Variants in ASL observed in about 807,000 individuals in gnomAD.
ASL encodes the protein argininosuccinate lyase.
In ASL, 51 loss-of-function variants were observed where a neutral mutation model predicts 69.1. The ratio of observed to expected loss-of-function variants is 0.74; its 90% CI spans 0.59 to 0.93. The LOEUF is 0.93. Ranked by LOEUF, ASL falls within the 40% of genes least tolerant of loss-of-function variation. The probability of loss-of-function intolerance (pLI) is 0.00; values close to 1 mark genes in which losing one functional copy is unlikely to be tolerated. For missense variants in ASL, 540 were observed against 623.9 expected, an observed-to-expected ratio of 0.87 and a Z score of 1.43; for synonymous variants, 241 against 247.6, an observed-to-expected ratio of 0.97 and a Z score of 0.25.
In ASL at chr7:66,079,153, G is replaced by A. The variant is rs1207521641; in HGVS notation, c.13-2650G>A. Reference sequence around the variant, plus strand: ...AGGATGGTCTCCATCTCCTGACCTCGTGATCTGCCCACCTCAGCCTCCCAA... The same window carrying A: ...AGGATGGTCTCCATCTCCTGACCTCATGATCTGCCCACCTCAGCCTCCCAA... On this transcript the variant is annotated intron_variant, in intron 2 of 16. Transcript: ENST00000304874. Among the ~76,000 whole-genome samples the A allele has an allele frequency of 3.9e-5, 6 of 152,108 alleles. No individual in the cohort carries two copies. The East Asian group carries it at 7.7e-4, about 20-fold the overall frequency.
At chr7:66,092,118 G>C (rs1242122725) in intron 15 of ASL, 32 bp downstream of exon 15, 1 of 1,604,516 alleles carries the variant, frequency 6.2e-7, no homozygotes, top group Non-Finnish European at 8.5e-7. Flanking sequence ...GGAGGGTGAG[G>C]AGATGGGGTG....
Position 66,092,881 on chromosome 7 carries a change from T to G in ASL, c.1364T>G (p.Val455Gly), listed in dbSNP as rs1584037172. 1 of 1,611,096 alleles carries G rather than the reference T, an allele frequency of 6.2e-7. No homozygotes were observed. Among genetic ancestry groups the G allele is most frequent in the African/African-American group, 1.3e-5 (1 of 75,052 alleles). ...RSSVDWQIRQVRALLQAQQA is the reference protein window; with the variant it reads ...RSSVDWQIRQGRALLQAQQA Reference sequence around the variant, plus strand: ...AGCGTCGACTGGCAGATCCGCCAGGTGCGGGCGCTACTGCAGGCACAGCAG... The same window carrying G: ...AGCGTCGACTGGCAGATCCGCCAGGGGCGGGCGCTACTGCAGGCACAGCAG... Residue 455 changes from valine (V) to glycine (G), a missense_variant, in exon 17 of 17, where the codon GTG becomes GGG. Val to Gly is a moderately radical substitution (Grantham distance 109, BLOSUM62 -3). Transcript: ENST00000304874.
chr7:66,087,328 C>A lies in ASL; in HGVS notation c.603-6C>A, dbSNP rs747521107. The A allele has an allele frequency of 6.2e-7, 1 of 1,603,736 alleles. No homozygotes were observed. The highest frequency in any genetic ancestry group is 8.5e-7 in the Non-Finnish European group (1 of 1,179,878). ...CCCTGGTCACCATGAATCCCTGTCC[C>A]TGCAGTGGGGCCATTGCAGGCAATC... On this transcript the variant is annotated splice_polypyrimidine_tract_variant and splice_region_variant and intron_variant, in intron 8 of 16. Transcript: ENST00000304874.
In ASL at chr7:66,093,288, C is replaced by A; in HGVS notation, c.*376C>A. On this transcript the variant is annotated 3_prime_UTR_variant, in exon 17 of 17. Coordinates refer to ENST00000304874, the MANE Select transcript of ASL (RefSeq NM_000048.4). ...TATGATCACGCCACTGCATTCCAGC[C>A]TGGATAACAGAGTGAGAACCTATCT... is the stretch of plus-strand genomic sequence containing the variant. 2.9e-6 allele frequency: 1 copy of A among 346,304 alleles called. No individual in the cohort carries two copies. Among genetic ancestry groups the A allele is most frequent in the South Asian group, 2.8e-5 (1 of 35,398 alleles). 21.5% of individuals were successfully genotyped at this position (346,304 alleles called of 1,614,324 possible). A position where few individuals can be genotyped will look rare whatever the true frequency, so the allele number is the denominator to read the frequency against.
At chr7:66,080,357 G>GCCTGGGTGA (rs1471808902) in intron 2 of ASL, among the ~76,000 whole-genome samples, 3 of 126,100 alleles carry the variant, frequency 2.4e-5, no homozygotes, top group Non-Finnish European at 3.1e-5. Context: ...CTGCACTCCA[G>GCCTGGGTGA]CCTGGGTGAC....
chr7:66,079,373 C>T (rs1786438560), intron 2 of ASL, among the ~76,000 whole-genome samples: 1 of 152,184 alleles, frequency 6.6e-6, no homozygotes, highest in Non-Finnish European at 1.5e-5. Flanking sequence ...ACCCCACCCT[C>T]CTCCCAGTCC....
In ASL at chr7:66,086,628, G is replaced by A; in HGVS notation, c.490G>A (p.Ala164Thr). The A allele has an allele frequency of 6.2e-7, 1 of 1,613,892 alleles. No homozygotes were observed. Among genetic ancestry groups the A allele is most frequent in the Non-Finnish European group, 8.5e-7 (1 of 1,180,038 alleles). ...CCCGGGGTACACCCATTTGCAGAGG[G>A]CCCAGCCCATCCGCTGGAGCCACTG... ...LFPGYTHLQR[A>T]QPIRWSHWIL... is the part of the protein sequence containing the mutation. Residue 164 changes from alanine to threonine, a missense_variant, in exon 7 of 17, where the codon GCC becomes ACC. Transcript: ENST00000304874.
intron 8 of ASL, 87 bp from the exon 9 acceptor site, chr7:66,087,246 GT>G (rs1789604160): frequency 4.3e-5 from 9 of 207,126 alleles, no homozygotes; most frequent in African/African-American, 4.3e-4. Flanking sequence ...GTGCGTTCGT[GT>G]GTGTGTGTGT....
intron 14 of ASL, among the ~76,000 whole-genome samples, chr7:66,090,805 C>T (rs1004741936): frequency 3.3e-5 from 5 of 152,002 alleles, no homozygotes; most frequent in Non-Finnish European, 7.4e-5. Context: ...GTCTTGAAAT[C>T]AGTGTTTCTT....
At chr7:66,079,998 T>C (rs1182314057) in intron 2 of ASL, among the ~76,000 whole-genome samples, 1 of 151,920 alleles carries the variant, frequency 6.6e-6, no homozygotes, top group African/African-American at 2.4e-5. Flanking sequence ...GGCAAGAGGA[T>C]TGGTTGAGAC....
chr7:66,085,962 C>A (rs1270349310), intron 6 of ASL, among the ~76,000 whole-genome samples: 1 of 152,064 alleles, frequency 6.6e-6, no homozygotes, highest in East Asian at 1.9e-4. Context: ...GTGGCATGTC[C>A]CTTTAGTCCC....
chr7:66,082,362 C>G lies in ASL; in HGVS notation c.208-6C>G, dbSNP rs772209699. The G allele has an allele frequency of 2.2e-5, 36 of 1,610,418 alleles. No homozygotes were observed. The highest frequency in any genetic ancestry group is 5.0e-5 in the Admixed American group (3 of 59,418). On this transcript the variant is annotated splice_region_variant and splice_polypyrimidine_tract_variant and intron_variant, in intron 3 of 16. Transcript: ENST00000304874. ...CTGACCCCGGCATTGCTGCTACCCA[C>G]TACAGGTGGCTGAGGAGTGGGCCCA...
Position 66,090,736 on chromosome 7 carries a change from C to T in ASL, c.1062+1041C>T, listed in dbSNP as rs1459247074. Among the ~76,000 whole-genome samples the T allele has an allele frequency of 3.3e-5, 5 of 152,286 alleles. No individual in the cohort carries two copies. In the East Asian group the frequency reaches 9.6e-4, roughly 29 times the overall value. On this transcript the variant is annotated intron_variant, in intron 14 of 16. Transcript: ENST00000304874. ...CAGCTCTCTCCCACTCCCTTACCCC[C>T]TTATTTTGAAGCAAATTCCCATCAT...
intron 8 of ASL, chr7:66,087,063 T>C (rs1786686020): frequency 1.6e-6 from 1 of 640,614 alleles, no homozygotes; most frequent in Non-Finnish European, 2.7e-6. Flanking sequence ...CAGCCTGACA[T>C]GTGGGAACAT....
At position 66,082,405 on chromosome 7, in the gene ASL, A is replaced by G; in HGVS notation, c.245A>G (p.Asn82Ser). 6.2e-7 allele frequency: 1 copy of G among 1,612,238 alleles called. No individual in the cohort carries two copies. The highest frequency in any genetic ancestry group is 8.5e-7 in the Non-Finnish European group (1 of 1,179,642). The change falls in exon 4 of 17, where the codon AAC (asparagine) becomes AGC (serine). Residue 82 changes from asparagine to serine, a missense_variant. Physicochemically the swap from Asn to Ser is conservative, Grantham distance 46. Transcript: ENST00000304874. ...TGGGCCCAGGGCACCTTCAAACTGA[A>G]CTCCAATGATGAGGACATCCACACA... ...EEWAQGTFKL[N>S]SNDEDIHTAN... is the part of the protein sequence containing the mutation.
Sources: allele counts gnomAD v4.1 joint callset (sites outside exome capture counted in the v4.1 genomes callset), GRCh38; gene constraint gnomAD v4.1.1; transcripts MANE v1.5; gene names NCBI Gene and HGNC (gene_info 2026-07-23, HGNC 2026-07-21).